CTIF: variants seen among roughly 807,000 people sequenced by gnomAD.
The protein encoded by CTIF is CBP80/20-dependent translation initiation factor.
CTIF carries 21 observed loss-of-function variants against 66.0 expected under a neutral mutation model. The ratio of observed to expected loss-of-function variants is 0.32; its 90% CI spans 0.23 to 0.46. CTIF has a LOEUF of 0.46. Among genes scored for constraint, CTIF ranks in the 20% least tolerant of loss-of-function variants. The probability of loss-of-function intolerance (pLI) is 1.00; values close to 1 mark genes in which losing one functional copy is unlikely to be tolerated. For missense variants in CTIF, 739 were observed against 812.7 expected (o/e 0.91, Z 1.10); for synonymous variants, 345 against 326.4 (o/e 1.06, Z -0.62).
At chr18:48,670,891 C>T (rs2091522840) in intron 6 of CTIF, 147 bp downstream of exon 6, 1 of 647,980 alleles carries the variant, frequency 1.5e-6, no homozygotes, top group Non-Finnish European at 2.7e-6. Flanking sequence ...ATAGGCAGGG[C>T]TGGCTACCTG....
chr18:48,576,158 T>C, intron 1 of CTIF, among the ~76,000 whole-genome samples: 1 of 152,294 alleles, frequency 6.6e-6, no homozygotes, highest in East Asian at 1.9e-4. Flanking sequence ...ATGGGGCCTG[T>C]GTTTTGGGGG....
At position 48,859,431 on chromosome 18, in the gene CTIF, C is replaced by A; in HGVS notation, c.1669C>A (p.Pro557Thr). 6.2e-7 allele frequency: 1 copy of A among 1,614,186 alleles called. No individual in the cohort carries two copies. Among genetic ancestry groups the A allele is most frequent in the Non-Finnish European group, 8.5e-7 (1 of 1,180,036 alleles). ...CAGCGCACGGGACAAGATGCTGTGC[C>A]CCTCGGAGTCCATGCTGACCCGGTC... ...LASARDKMLCPSESMLTRSLL... is the reference protein window; with the variant it reads ...LASARDKMLCTSESMLTRSLL... Residue 557 changes from proline (P) to threonine (T), a missense_variant, in exon 12 of 12, where the codon CCC becomes ACC. Coordinates refer to ENST00000256413, the MANE Select transcript of CTIF (RefSeq NM_014772.3).
At chr18:48,681,688 T>C (rs1396058218) in intron 6 of CTIF, among the ~76,000 whole-genome samples, 1 of 152,170 alleles carries the variant, frequency 6.6e-6, no homozygotes, top group Non-Finnish European at 1.5e-5. Flanking sequence ...TGGTGACTGA[T>C]TGCCAAGCCC....
rs761657690 is a variant in CTIF at position 48,758,269 on chromosome 18, C to T, written c.935C>T (p.Pro312Leu). Residue 312 changes from proline to leucine, a missense_variant, in exon 8 of 12, where the codon CCC becomes CTC. Pro to Leu is a moderately conservative substitution (Grantham distance 98). Transcript: ENST00000256413. ...TLAPVASERL[P>L]PQQSGGPEVE... ...GCCCCGGTGGCTTCTGAGCGGCTGC[C>T]CCCACAGCAGTCAGGGGGGCCAGAG... 5.3e-5 allele frequency: 86 copies of T among 1,613,462 alleles called. 1 individual carries two copies. The highest frequency in any genetic ancestry group is 2.2e-4 in the Admixed American group (13 of 60,008).
At chr18:48,821,961 C>T (rs2068492260) in intron 10 of CTIF, among the ~76,000 whole-genome samples, 1 of 152,180 alleles carries the variant, frequency 6.6e-6, no homozygotes, top group Non-Finnish European at 1.5e-5. Flanking sequence ...TAAACTTTCA[C>T]CCATTGATTA....
Position 48,756,888 on chromosome 18 carries a change from C to G in CTIF, c.585-1031C>G, listed in dbSNP as rs77311076. On this transcript the variant is annotated intron_variant, in intron 7 of 11. Coordinates refer to ENST00000256413, the MANE Select transcript of CTIF (RefSeq NM_014772.3). ...AGATGAGCCTGTCTTGACCTACACC[C>G]ATCATGTTAAATATTCCTTCTGTAT... is the stretch of plus-strand genomic sequence containing the variant. 7.3e-3 allele frequency among the ~76,000 whole-genome samples: 1,108 copies of G among 152,352 alleles called. 12 individuals are homozygous for G. The highest frequency in any genetic ancestry group is 0.011 in the Admixed American group (169 of 15,310).
chr18:48,695,028 C>T (rs1391251613), intron 6 of CTIF, among the ~76,000 whole-genome samples: 2 of 152,132 alleles, frequency 1.3e-5, no homozygotes, highest in Non-Finnish European at 2.9e-5. Context: ...AATTTTTGAC[C>T]ACACACTTGT....
At chr18:48,687,880 C>G (rs766115967) in intron 6 of CTIF, among the ~76,000 whole-genome samples, 1 of 152,232 alleles carries the variant, frequency 6.6e-6, no homozygotes, top group African/African-American at 2.4e-5. Flanking sequence ...CCCCCACCCC[C>G]AGTGGTAGCC....
chr18:48,570,258 G>A (rs1410890358), intron 1 of CTIF, among the ~76,000 whole-genome samples: 8 of 152,190 alleles, frequency 5.3e-5, no homozygotes, highest in Non-Finnish European at 4.4e-5. Flanking sequence ...ATTCTCAGCG[G>A]GTAAAAGCCA....
At chr18:48,773,969 A>G (rs1910417204) in intron 9 of CTIF, among the ~76,000 whole-genome samples, 1 of 152,156 alleles carries the variant, frequency 6.6e-6, no homozygotes, top group Non-Finnish European at 1.5e-5. Context: ...TTATACCCAC[A>G]GTGTTCAGGG....
intron 7 of CTIF, among the ~76,000 whole-genome samples, chr18:48,727,779 G>A (rs948859581): frequency 2.0e-5 from 3 of 152,184 alleles, no homozygotes; most frequent in Non-Finnish European, 2.9e-5. Flanking sequence ...CAGCACCGCT[G>A]AACTTTCTAA....
chr18:48,731,496 C>A (rs974564741), intron 7 of CTIF, among the ~76,000 whole-genome samples: 1 of 152,202 alleles, frequency 6.6e-6, no homozygotes, highest in African/African-American at 2.4e-5. Flanking sequence ...CCCTCTCATT[C>A]CTGGAGAACT....
At chr18:48,747,803 C>T (rs572386761) in intron 7 of CTIF, among the ~76,000 whole-genome samples, 64 of 151,504 alleles carry the variant, frequency 4.2e-4, no homozygotes, top group Non-Finnish European at 6.3e-4. Context: ...CTGTAGTCCT[C>T]GCTACTTGGG....
chr18:48,803,781 G>A (rs982069047), intron 9 of CTIF, among the ~76,000 whole-genome samples: 13 of 152,198 alleles, frequency 8.5e-5, no homozygotes, highest in African/African-American at 2.9e-4. Context: ...GGGAGGGGGG[G>A]CTCTGTCTTC....
intron 3 of CTIF, among the ~76,000 whole-genome samples, chr18:48,650,423 T>A (rs745379658): frequency 2.6e-5 from 4 of 151,992 alleles, no homozygotes; most frequent in Non-Finnish European, 4.4e-5. Flanking sequence ...AAGAGAAGTT[T>A]AGAGAAAAAA....
At chr18:48,799,394 C>G (rs1250221242) in intron 9 of CTIF, among the ~76,000 whole-genome samples, 1 of 152,118 alleles carries the variant, frequency 6.6e-6, no homozygotes. Flanking sequence ...GATTTCTGGT[C>G]TTTCACTAGA....
At chr18:48,787,932 C>T (rs1386039783) in intron 9 of CTIF, among the ~76,000 whole-genome samples, 1 of 152,174 alleles carries the variant, frequency 6.6e-6, no homozygotes, top group Non-Finnish European at 1.5e-5. Flanking sequence ...TCTGGCAGTC[C>T]TCTGCGTTTG....
chr18:48,619,800 G>A (rs2090461211), intron 2 of CTIF, 55 bp downstream of exon 2: 1 of 1,427,364 alleles, frequency 7.0e-7, no homozygotes, highest in Non-Finnish European at 9.3e-7. Context: ...GGGTGATGCA[G>A]GAGCCCCTAA....
At chr18:48,687,798 G>C (rs919871502) in intron 6 of CTIF, among the ~76,000 whole-genome samples, 1 of 152,206 alleles carries the variant, frequency 6.6e-6, no homozygotes. Context: ...TAAGGCACCA[G>C]GTAGTTGCTG....
Sources: allele counts gnomAD v4.1 joint callset (sites outside exome capture counted in the v4.1 genomes callset), GRCh38; gene constraint gnomAD v4.1.1; transcripts MANE v1.5; gene names NCBI Gene and HGNC (gene_info 2026-07-23, HGNC 2026-07-21).